BCL2L13: variants seen among roughly 807,000 people sequenced by gnomAD.
BCL2L13 encodes the protein BCL2 like 13.
A neutral mutation model predicts 25.8 loss-of-function variants in BCL2L13; 13 were observed. That is an observed-to-expected ratio of 0.50 (90% CI 0.33 to 0.80). BCL2L13 has a LOEUF of 0.80. Among genes scored for constraint, BCL2L13 ranks in the 30% least tolerant of loss-of-function variants. The probability of loss-of-function intolerance (pLI) is 0.02; values close to 1 mark genes in which losing one functional copy is unlikely to be tolerated. For missense variants in BCL2L13, 504 were observed against 574.9 expected, an observed-to-expected ratio of 0.88 and a Z score of 1.26; for synonymous variants, 244 against 230.3, an observed-to-expected ratio of 1.06 and a Z score of -0.54.
intron 3 of BCL2L13, among the ~76,000 whole-genome samples, chr22:17,685,555 T>C (rs1458578520): frequency 6.6e-6 from 1 of 151,964 alleles, no homozygotes. Context: ...GGGTCATCCA[T>C]GTTGTAGCAT....
intron 6 of BCL2L13, among the ~76,000 whole-genome samples, chr22:17,721,513 C>A (rs1601795140): frequency 1.4e-5 from 2 of 141,728 alleles, no homozygotes; most frequent in Non-Finnish European, 1.5e-5. Context: ...TAAGTCATGA[C>A]ACTTATAAGA....
chr22:17,712,645 A>G (rs1463927292), intron 6 of BCL2L13, among the ~76,000 whole-genome samples: 10 of 152,230 alleles, frequency 6.6e-5, no homozygotes, highest in Non-Finnish European at 1.5e-4. Context: ...ATGTTAGAGG[A>G]TCTGCATGAC....
At chr22:17,638,593 T>G, upstream of BCL2L13, 5 of 1,004,874 alleles carry the variant, frequency 5.0e-6, no homozygotes, top group Non-Finnish European at 6.4e-6. Context: ...CGCAATCAGA[T>G]TTGGGCGGGC....
At chr22:17,669,997 G>T (rs1354696225) in intron 2 of BCL2L13, among the ~76,000 whole-genome samples, 1 of 152,142 alleles carries the variant, frequency 6.6e-6, no homozygotes, top group African/African-American at 2.4e-5. Context: ...TCTTGTTGTT[G>T]TCTCAGCACC....
At chr22:17,630,410 G>T (rs2057986344) in intron 1 of BCL2L13, among the ~76,000 whole-genome samples, 1 of 151,302 alleles carries the variant, frequency 6.6e-6, no homozygotes, top group Non-Finnish European at 1.5e-5. Flanking sequence ...CTCCCAAGCA[G>T]CTGGGATTAC....
At chr22:17,649,159 A>G (rs913108878) in intron 1 of BCL2L13, among the ~76,000 whole-genome samples, 3 of 151,384 alleles carry the variant, frequency 2.0e-5, no homozygotes, top group African/African-American at 4.9e-5. Context: ...GAGTGCAGGT[A>G]TGATTTCGGC....
intron 6 of BCL2L13, among the ~76,000 whole-genome samples, chr22:17,708,047 C>T (rs1044229397): frequency 2.6e-5 from 4 of 151,978 alleles, no homozygotes; most frequent in South Asian, 2.1e-4. Flanking sequence ...TATTTTGATA[C>T]GTTCCTTTAC....
At chr22:17,723,014 A>C (rs371477823) in intron 6 of BCL2L13, among the ~76,000 whole-genome samples, 2 of 152,176 alleles carry the variant, frequency 1.3e-5, no homozygotes, top group African/African-American at 2.4e-5. Context: ...GGTATTGAAG[A>C]CTGTTTGAAA....
At chr22:17,691,188 T>A (rs932158405) in intron 4 of BCL2L13, among the ~76,000 whole-genome samples, 1 of 152,104 alleles carries the variant, frequency 6.6e-6, no homozygotes, top group African/African-American at 2.4e-5. Context: ...TTTTCCCACT[T>A]TTCTTAACCA....
intron 1 of BCL2L13, among the ~76,000 whole-genome samples, chr22:17,641,993 G>T (rs571862418): frequency 6.6e-6 from 1 of 151,460 alleles, no homozygotes; most frequent in Non-Finnish European, 1.5e-5. Flanking sequence ...TAAAGACGGG[G>T]TTTCACTGTG....
At chr22:17,712,991 T>A (rs1471329079) in intron 6 of BCL2L13, among the ~76,000 whole-genome samples, 2 of 152,230 alleles carry the variant, frequency 1.3e-5, no homozygotes, top group Non-Finnish European at 2.9e-5. Context: ...CCAGAGTATG[T>A]ATGGGCTTCG....
intron 1 of BCL2L13, among the ~76,000 whole-genome samples, chr22:17,643,714 G>A (rs2058370607): frequency 1.3e-5 from 2 of 151,870 alleles, no homozygotes; most frequent in South Asian, 2.1e-4. Flanking sequence ...TGCACGCCCC[G>A]CCTCCTGGGT....
chr22:17,693,311 G>A (rs1433029039), intron 4 of BCL2L13, among the ~76,000 whole-genome samples: 2 of 150,276 alleles, frequency 1.3e-5, no homozygotes, highest in Non-Finnish European at 3.0e-5. Flanking sequence ...AGTGGACAGA[G>A]CAGAAAAATG....
chr22:17,721,794 G>T (rs1450065139), intron 6 of BCL2L13, among the ~76,000 whole-genome samples: 2 of 152,150 alleles, frequency 1.3e-5, no homozygotes, highest in African/African-American at 2.4e-5. Context: ...CCAAAGTGCT[G>T]GGATTACAGG....
intron 1 of BCL2L13, among the ~76,000 whole-genome samples, chr22:17,646,507 C>T (rs2058477234): frequency 6.6e-6 from 1 of 150,990 alleles, no homozygotes; most frequent in Non-Finnish European, 1.5e-5. Flanking sequence ...CCGCACCCTC[C>T]CAAAGTGCTG....
intron 5 of BCL2L13, among the ~76,000 whole-genome samples, chr22:17,699,542 A>G (rs533507413): frequency 5.3e-5 from 8 of 152,340 alleles, no homozygotes; most frequent in African/African-American, 1.7e-4. Flanking sequence ...ATGGTCAAAA[A>G]TACTTTAGCA....
intron 6 of BCL2L13, among the ~76,000 whole-genome samples, chr22:17,712,530 T>G (rs2060791840): frequency 6.6e-6 from 1 of 152,232 alleles, no homozygotes; most frequent in African/African-American, 2.4e-5. Flanking sequence ...ACCTGAGCCT[T>G]TCTTTCTGAT....
intron 4 of BCL2L13, 59 bp from the exon 5 acceptor site, chr22:17,696,082 A>C (rs1568985542): frequency 7.9e-7 from 1 of 1,269,006 alleles, no homozygotes; most frequent in Non-Finnish European, 1.2e-6. Flanking sequence ...ATATGTATTC[A>C]TCTGGAAATA....
At chr22:17,687,415 C>T (rs1006616570) in intron 3 of BCL2L13, among the ~76,000 whole-genome samples, 2 of 152,250 alleles carry the variant, frequency 1.3e-5, no homozygotes, top group South Asian at 4.2e-4. Flanking sequence ...GATCAGGGCT[C>T]ACTGCAGTCT....
Sources: gnomAD v4.1 joint callset for allele counts (sites outside exome capture counted in the v4.1 genomes callset) on GRCh38, gnomAD v4.1.1 for gene constraint, MANE v1.5 for transcripts, NCBI Gene and HGNC (gene_info 2026-07-23, HGNC 2026-07-21) for gene names.